ZNF438: variants seen among roughly 807,000 people sequenced by gnomAD.
The protein encoded by ZNF438 is zinc finger protein 438.
ZNF438 carries 25 observed loss-of-function variants against 38.0 expected under a neutral mutation model. The ratio of observed to expected loss-of-function variants is 0.66; its 90% CI spans 0.48 to 0.92. The LOEUF (loss-of-function observed/expected upper bound fraction) is 0.92, where lower values mean the gene tolerates loss of function less well. ZNF438 is among the 40% of genes least tolerant of loss of function. ZNF438 has a pLI of 0.00. For synonymous variants in ZNF438, 372 were observed against 364.1 expected (o/e 1.02, Z -0.25); for missense variants, 1,007 against 999.6 (o/e 1.01, Z -0.10).
intron 1 of ZNF438, among the ~76,000 whole-genome samples, chr10:30,980,734 TAAATAC>T (rs1330193660): frequency 6.6e-6 from 1 of 151,974 alleles, no homozygotes; most frequent in African/African-American, 2.4e-5. Flanking sequence ...GTGTGGAAAA[TAAATAC>T]AGAAGGCTAA....
intron 4 of ZNF438, among the ~76,000 whole-genome samples, chr10:30,852,236 G>GC (rs1210838092): frequency 4.7e-5 from 7 of 149,540 alleles, no homozygotes; most frequent in Non-Finnish European, 1.0e-4. Context: ...TTGAGACGGA[G>GC]TTTTGCTCTT....
At position 30,845,263 on chromosome 10, in the gene ZNF438, G is replaced by A; in HGVS notation, c.2185C>T (p.Gln729Ter). The stretch of plus-strand genomic sequence containing the variant: ...ACGCCATTCTGATGAAGGTGGAGCT[G>A]CCTTTTCAGTCTTGGACATGCATGT... The change falls in exon 6 of 6, where the codon CAG (glutamine) becomes TAG (stop). Residue 729 changes from glutamine (Q) to a stop codon, truncating the protein, a stop_gained. Coordinates refer to ENST00000413025, the Ensembl canonical transcript of ZNF438. LOFTEE classifies it low-confidence loss of function (END_TRUNC). 6.2e-7 allele frequency: 1 copy of A among 1,614,100 alleles called. No individual in the cohort carries two copies. Among genetic ancestry groups the A allele is most frequent in the Non-Finnish European group, 8.5e-7 (1 of 1,180,000 alleles).
At chr10:30,942,605 A>G (rs1293995314) in intron 1 of ZNF438, among the ~76,000 whole-genome samples, 1 of 152,214 alleles carries the variant, frequency 6.6e-6, no homozygotes, top group Non-Finnish European at 1.5e-5. Flanking sequence ...AGACCACAAT[A>G]GACCTTTCTT....
chr10:30,923,891 A>G (rs2044611525), intron 2 of ZNF438, among the ~76,000 whole-genome samples: 1 of 152,208 alleles, frequency 6.6e-6, no homozygotes, highest in African/African-American at 2.4e-5. Flanking sequence ...CAATCTCAAA[A>G]TCTGTTAGGG....
chr10:30,875,417 G>A, intron 4 of ZNF438: 1 of 980,406 alleles, frequency 1.0e-6, no homozygotes, highest in Non-Finnish European at 1.2e-6. Context: ...CTTTGCCTGG[G>A]GTTCCACAGC....
At chr10:30,926,887 G>C (rs1564656378) in intron 2 of ZNF438, among the ~76,000 whole-genome samples, 1 of 152,112 alleles carries the variant, frequency 6.6e-6, no homozygotes, top group Non-Finnish European at 1.5e-5. Context: ...GGCAAACAGA[G>C]GGACTCAGCC....
chr10:30,978,270 CTT>C (rs1224882975), intron 1 of ZNF438, among the ~76,000 whole-genome samples: 2 of 152,212 alleles, frequency 1.3e-5, no homozygotes, highest in East Asian at 3.9e-4. Context: ...ACTCTCTTTC[CTT>C]ATTTAGGGAC....
intron 3 of ZNF438, among the ~76,000 whole-genome samples, chr10:30,903,781 C>A (rs2042299561): frequency 6.6e-6 from 1 of 152,112 alleles, no homozygotes; most frequent in Admixed American, 6.5e-5. Flanking sequence ...ACTTTTTTGT[C>A]CCTGTATCTA....
intron 1 of ZNF438, among the ~76,000 whole-genome samples, chr10:30,998,243 T>C (rs1490168057): frequency 1.3e-5 from 2 of 152,174 alleles, no homozygotes; most frequent in East Asian, 1.9e-4. Flanking sequence ...TTTCTTGCTT[T>C]AAAATATCAA....
intron 3 of ZNF438, among the ~76,000 whole-genome samples, chr10:30,902,061 G>A (rs891189190): frequency 6.6e-6 from 1 of 152,142 alleles, no homozygotes; most frequent in African/African-American, 2.4e-5. Flanking sequence ...TGGACCCAAA[G>A]AGTGGGCAGC....
intron 4 of ZNF438, among the ~76,000 whole-genome samples, chr10:30,856,729 T>C (rs1189153659): frequency 3.9e-5 from 6 of 152,210 alleles, no homozygotes; most frequent in Non-Finnish European, 7.3e-5. Flanking sequence ...GTACTAAACA[T>C]GGACTTTTAT....
At chr10:30,854,193 G>A (rs530586281) in intron 4 of ZNF438, among the ~76,000 whole-genome samples, 2 of 152,178 alleles carry the variant, frequency 1.3e-5, no homozygotes, top group South Asian at 2.1e-4. Context: ...GGTGGTGGGC[G>A]CCTGTAGTCC....
At chr10:30,881,043 G>C (rs1358656582) in intron 3 of ZNF438, among the ~76,000 whole-genome samples, 1 of 152,124 alleles carries the variant, frequency 6.6e-6, no homozygotes, top group Non-Finnish European at 1.5e-5. Flanking sequence ...GCTAAATAAT[G>C]AAAGACTGAA....
chr10:30,946,416 A>G (rs1373380364), intron 1 of ZNF438, among the ~76,000 whole-genome samples: 1 of 152,132 alleles, frequency 6.6e-6, no homozygotes, highest in Non-Finnish European at 1.5e-5. Context: ...CAACCTACAA[A>G]AGGGGAGAAA....
chr10:30,845,877 G>A (rs527922823), intron 5 of ZNF438, among the ~76,000 whole-genome samples: 15 of 152,318 alleles, frequency 9.8e-5, no homozygotes, highest in Admixed American at 3.9e-4. Context: ...GAGCAATCAC[G>A]TGGAAGAGTC....
At chr10:31,007,348 C>G (rs891447090) in intron 1 of ZNF438, among the ~76,000 whole-genome samples, 3 of 137,156 alleles carry the variant, frequency 2.2e-5, no homozygotes, top group African/African-American at 8.3e-5. Context: ...GTGGCGTGAT[C>G]TCAGCTCACT....
intron 1 of ZNF438, among the ~76,000 whole-genome samples, chr10:31,001,368 G>A (rs1366129532): frequency 1.3e-5 from 2 of 152,098 alleles, no homozygotes; most frequent in African/African-American, 2.4e-5. Flanking sequence ...CTCAAAAAAT[G>A]CTTGGGGACC....
chr10:30,944,367 C>T (rs376583112), intron 1 of ZNF438, among the ~76,000 whole-genome samples: 3 of 152,118 alleles, frequency 2.0e-5, no homozygotes, highest in Non-Finnish European at 2.9e-5. Flanking sequence ...CTGACATTTT[C>T]GTTCTTATCT....
chr10:30,953,603 A>G (rs2048495416), intron 1 of ZNF438, among the ~76,000 whole-genome samples: 1 of 151,404 alleles, frequency 6.6e-6, no homozygotes, highest in Non-Finnish European at 1.5e-5. Context: ...AACCTGCACA[A>G]CGTGCACATG....
Sources: allele counts gnomAD v4.1 joint callset (sites outside exome capture counted in the v4.1 genomes callset), GRCh38; gene constraint gnomAD v4.1.1; transcripts MANE v1.5; gene names NCBI Gene and HGNC (gene_info 2026-07-23, HGNC 2026-07-21).